Variants in PRSS54 observed in about 807,000 individuals in gnomAD.
The protein encoded by PRSS54 is serine protease 54.
A neutral mutation model predicts 19.9 loss-of-function variants in PRSS54; 16 were observed. The ratio of observed to expected loss-of-function variants is 0.80; its 90% CI spans 0.54 to 1.22. The LOEUF is 1.22. Among genes scored for constraint, PRSS54 ranks in the 50% most tolerant of loss-of-function variants. The pLI, the probability that PRSS54 is intolerant of heterozygous loss-of-function variation, is 0.00. For synonymous variants in PRSS54, 177 were observed against 195.8 expected, an observed-to-expected ratio of 0.90 and a Z score of 0.80; for missense variants, 444 against 494.8, an observed-to-expected ratio of 0.90 and a Z score of 0.97.
chr16:58,285,744 A>AAAAAAAAAAAAGAAG (rs146167626), intron 5 of PRSS54, among the ~76,000 whole-genome samples, 193 bp downstream of exon 5: 13 of 77,342 alleles, frequency 1.7e-4, no homozygotes, highest in African/African-American at 3.6e-4. Context: ...AAAAAAAAAA[A>AAAAAAAAAAAAGAAG]AAGAAGAAGA....
intron 2 of PRSS54, 42 bp from the exon 3 acceptor site, chr16:58,293,864 A>C: frequency 6.5e-7 from 1 of 1,527,994 alleles, no homozygotes; most frequent in Non-Finnish European, 9.0e-7. Context: ...CTTCCCAAAC[A>C]CATGCAGGGT....
chr16:58,290,492 C>T (rs776511866), intron 4 of PRSS54, among the ~76,000 whole-genome samples: 2 of 152,188 alleles, frequency 1.3e-5, no homozygotes, highest in Non-Finnish European at 2.9e-5. Context: ...AAGTAGAAAT[C>T]GTGCGTTCTG....
At chr16:58,282,829 A>G (rs531832854) in intron 6 of PRSS54, 1 of 152,382 alleles carries the variant, frequency 6.6e-6, no homozygotes, top group South Asian at 2.1e-4. Flanking sequence ...AGCCAGAGCA[A>G]GAAAAAGAAT....
At chr16:58,292,882 G>A (rs906051639) in intron 3 of PRSS54, among the ~76,000 whole-genome samples, 4 of 152,234 alleles carry the variant, frequency 2.6e-5, no homozygotes, top group African/African-American at 9.6e-5. Context: ...CTGACCCAGA[G>A]ATGAAATGCT....
intron 1 of PRSS54, 127 bp downstream of exon 1, chr16:58,294,760 C>T (rs1017796918): frequency 1.3e-5 from 2 of 152,288 alleles, no homozygotes; most frequent in Non-Finnish European, 2.9e-5. Flanking sequence ...AGTAGACACT[C>T]GAGTTATCGC....
intron 5 of PRSS54, 40 bp downstream of exon 5, chr16:58,285,897 G>A (rs1446593711): frequency 6.2e-7 from 1 of 1,608,702 alleles, no homozygotes; most frequent in Non-Finnish European, 8.5e-7. Context: ...CCCACTGCCA[G>A]CACACACGCA....
chr16:58,286,219 T>G (rs781011972), intron 4 of PRSS54, 24 bp from the exon 5 acceptor site: 30 of 1,611,980 alleles, frequency 1.9e-5, no homozygotes, highest in Non-Finnish European at 2.5e-5. Context: ...AAGGGAATCT[T>G]GAGAAGCCAA....
At position 58,293,940 on chromosome 16, in the gene PRSS54, C is replaced by T. The variant is rs186955621; in HGVS notation, c.-7+45G>A. On this transcript the variant is annotated intron_variant, in intron 2 of 6. Coordinates refer to ENST00000567164, the MANE Select transcript of PRSS54 (RefSeq NM_001305173.2). The stretch of plus-strand genomic sequence containing the variant: ...TGTTCCCTCCCAAACATCAGAGGCT[C>T]CCCCTCTTTCTACTAACAAAGGTTC... The T allele has an allele frequency of 1.4e-3, 1,144 of 830,926 alleles. 7 individuals are homozygous for T. In the African/African-American group the frequency reaches 0.018, roughly 13 times the overall value. 51.5% of individuals were successfully genotyped at this position (830,926 alleles called of 1,614,324 possible).
intron 6 of PRSS54, 193 bp from the exon 7 acceptor site, chr16:58,280,950 A>C: frequency 1.8e-6 from 1 of 571,206 alleles, no homozygotes; most frequent in Non-Finnish European, 3.1e-6. Flanking sequence ...TTTTCCTTTT[A>C]TTATGCAAAT....
chr16:58,293,935 A>C, intron 2 of PRSS54, 50 bp downstream of exon 2: 3 of 867,578 alleles, frequency 3.5e-6, no homozygotes, highest in Non-Finnish European at 5.6e-6. Context: ...CAAACATCAG[A>C]GGCTCCCCCT....
Position 58,290,381 on chromosome 16 carries a change from A to G in PRSS54, c.263+578T>C, listed in dbSNP as rs144929976. On this transcript the variant is annotated intron_variant, in intron 4 of 6. Transcript: ENST00000567164. ...GGTCAAAGAGTGAGAAATATTTACC[A>G]AAAACATTATTCTTTTAATAATATT... Among the ~76,000 whole-genome samples the G allele has an allele frequency of 4.2e-3, 646 of 152,286 alleles. 3 individuals carry two copies. Among genetic ancestry groups the G allele is most frequent in the African/African-American group, 0.015 (613 of 41,558 alleles).
intron 3 of PRSS54, among the ~76,000 whole-genome samples, chr16:58,292,518 T>C (rs1965057737): frequency 6.6e-6 from 1 of 151,778 alleles, no homozygotes; most frequent in Non-Finnish European, 1.5e-5. Context: ...GATTGTAACA[T>C]ATAGAATTAT....
At chr16:58,286,219 T>C in intron 4 of PRSS54, 24 bp from the exon 5 acceptor site, 1 of 1,612,098 alleles carries the variant, frequency 6.2e-7, no homozygotes. Context: ...AAGGGAATCT[T>C]GAGAAGCCAA....
intron 5 of PRSS54, among the ~76,000 whole-genome samples, 193 bp downstream of exon 5, chr16:58,285,744 A>AAAAACAG (rs146167626): frequency 1.3e-5 from 1 of 77,350 alleles, no homozygotes; most frequent in African/African-American, 7.2e-5. Flanking sequence ...AAAAAAAAAA[A>AAAAACAG]AAGAAGAAGA....
rs1400857411 is a variant in PRSS54, at chr16:58,280,727, G to A, written c.685C>T (p.Leu229=). Residue 229 remains leucine, a synonymous_variant, in exon 7 of 7, where the codon CTA becomes TTA. Transcript: ENST00000567164. The part of the protein sequence containing the change: ...GDPGSPMMCQ[L]QQFDLWVLRG... ...AGAACCCACAGATCGAACTGCTGTA[G>A]CTGGCACATCATTGGGCTTCCTGGG... 1.9e-6 allele frequency: 3 copies of A among 1,609,698 alleles called. No homozygotes were observed. Among genetic ancestry groups the A allele is most frequent in the African/African-American group, 1.3e-5 (1 of 74,966 alleles).
chr16:58,282,601 G>A (rs1182601939), intron 6 of PRSS54: 1 of 152,316 alleles, frequency 6.6e-6, no homozygotes, highest in African/African-American at 2.4e-5. Flanking sequence ...GCCAAGGCCA[G>A]ACATGTGAGG....
chr16:58,294,122 G>A lies in PRSS54; in HGVS notation c.-144C>T. On this transcript the variant is annotated 5_prime_UTR_variant, in exon 2 of 7. An upstream open reading frame in the 5' UTR gains an earlier in-frame stop. Coordinates refer to ENST00000567164, the MANE Select transcript of PRSS54 (RefSeq NM_001305173.2). ...TCTTCTCAATCCAGCCCAAGCCCCT[G>A]AGCACCCCAGAGAGTTGGGTCTCTG... 1 of 363,242 alleles carries A rather than the reference G, an allele frequency of 2.8e-6. No individual in the cohort carries two copies. 22.5% of individuals were successfully genotyped at this position (363,242 alleles called of 1,614,324 possible).
chr16:58,290,856 C>T lies in PRSS54; in HGVS notation c.263+103G>A, dbSNP rs1307394259. ...TGAGCTGGTAAAAAGCCCTGTCCCC[C>T]CAGAATGCACCTTTCAGGGCCTCCC... On this transcript the variant is annotated intron_variant, in intron 4 of 6. Transcript: ENST00000567164. 5 of 1,314,548 alleles carry T rather than the reference C, an allele frequency of 3.8e-6. No homozygotes were observed. The East Asian group carries it at 9.3e-5, about 25-fold the overall frequency. 81.4% of individuals were successfully genotyped at this position (1,314,548 alleles called of 1,614,324 possible). A position where few individuals can be genotyped will look rare whatever the true frequency, so the allele number is the denominator to read the frequency against.
At chr16:58,292,309 G>A (rs1965053325) in intron 3 of PRSS54, among the ~76,000 whole-genome samples, 1 of 152,154 alleles carries the variant, frequency 6.6e-6, no homozygotes, top group African/African-American at 2.4e-5. Flanking sequence ...TCCAAGGATG[G>A]ATTTCAGGAG....
Sources: allele counts gnomAD v4.1 joint callset (sites outside exome capture counted in the v4.1 genomes callset), GRCh38; gene constraint gnomAD v4.1.1; transcripts MANE v1.5; gene names NCBI Gene and HGNC (gene_info 2026-07-23, HGNC 2026-07-21).